The following TPM4 variants were observed in gnomAD, a reference collection of about 807,000 sequenced individuals.
TPM4 encodes tropomyosin alpha-4 chain.
TPM4 carries 17 observed loss-of-function variants against 35.8 expected under a neutral mutation model. That is an observed-to-expected ratio of 0.47 (90% CI 0.32 to 0.71). TPM4 has a LOEUF of 0.71. Ranked by LOEUF, TPM4 falls within the 30% of genes least tolerant of loss-of-function variation. TPM4 has a pLI of 0.03. For synonymous variants in TPM4, 120 were observed against 122.9 expected (o/e 0.98, Z 0.15); for missense variants, 240 against 320.9 (o/e 0.75, Z 1.93).
chr19:16,076,825 G>T (rs2090413691), intron 1 of TPM4, 128 bp downstream of exon 1: 1 of 1,261,974 alleles, frequency 7.9e-7, no homozygotes, highest in East Asian at 3.3e-5. Context: ...CTCGGACGCC[G>T]ATCGCCGACC....
At chr19:16,090,282 C>G (rs982039204) in intron 5 of TPM4, among the ~76,000 whole-genome samples, 1 of 148,392 alleles carries the variant, frequency 6.7e-6, no homozygotes, top group African/African-American at 2.5e-5. Context: ...TACTCCAAAA[C>G]TGTATTTTTT....
Position 16,067,590 on chromosome 19 carries a change from C to A in TPM4, c.-35C>A. Reference sequence around the variant, plus strand: ...CTGCCGCAGCCCCCACAGAGCCCGCCGCGCACCCCACGTCCCCCACGCCAG... The same window carrying A: ...CTGCCGCAGCCCCCACAGAGCCCGCAGCGCACCCCACGTCCCCCACGCCAG... On this transcript the variant is annotated 5_prime_UTR_variant, in exon 2 of 3. Coordinates refer to the TPM4 transcript ENST00000589897. This position sits in a 1 kb window ranked among gnomAD's most constrained non-coding sequence, Gnocchi z 4.1. The A allele has an allele frequency of 1.9e-6, 3 of 1,593,468 alleles. No homozygotes were observed. Among genetic ancestry groups the A allele is most frequent in the Non-Finnish European group, 2.6e-6 (3 of 1,166,276 alleles).
chr19:16,076,121 C>T (rs1343338872), upstream of TPM4: 1 of 1,590,578 alleles, frequency 6.3e-7, no homozygotes, highest in Admixed American at 1.8e-5. Context: ...ATTCCGAGGA[C>T]CTGAAGGACG....
chr19:16,085,202 A>G (rs746169075), intron 2 of TPM4, among the ~76,000 whole-genome samples: 8 of 152,122 alleles, frequency 5.3e-5, no homozygotes, highest in Non-Finnish European at 1.0e-4. Flanking sequence ...GCAGTGAGCT[A>G]TGATTACACC....
At chr19:16,098,865 A>C (rs2090732388) in intron 7 of TPM4, among the ~76,000 whole-genome samples, 1 of 152,210 alleles carries the variant, frequency 6.6e-6, no homozygotes, top group African/African-American at 2.4e-5. Flanking sequence ...TAGCTCTACT[A>C]CTTTAACCAT....
intron 2 of TPM4, among the ~76,000 whole-genome samples, chr19:16,084,940 T>C (rs954196526): frequency 1.7e-4 from 26 of 152,158 alleles, no homozygotes; most frequent in African/African-American, 5.6e-4. Flanking sequence ...CCTCTTCTTT[T>C]CTTTTCTTTT....
intron 3 of TPM4, among the ~76,000 whole-genome samples, 198 bp from the exon 4 acceptor site, chr19:16,087,829 C>A (rs542612060): frequency 6.6e-6 from 1 of 152,042 alleles, no homozygotes; most frequent in Non-Finnish European, 1.5e-5. Flanking sequence ...TGCAGTGAGC[C>A]GAGACTGTGC....
At chr19:16,083,189 A>C (rs987503658) in intron 2 of TPM4, among the ~76,000 whole-genome samples, 4 of 152,026 alleles carry the variant, frequency 2.6e-5, no homozygotes, top group Non-Finnish European at 5.9e-5. Context: ...CACGCCTATA[A>C]TCCCAGCACT....
intron 7 of TPM4, among the ~76,000 whole-genome samples, chr19:16,093,996 T>C (rs1394873118): frequency 7.1e-6 from 1 of 140,996 alleles, no homozygotes; most frequent in East Asian, 2.3e-4. Flanking sequence ...AGTCTGGCTC[T>C]GTCTCCCAGG....
rs1229069660 is a variant in TPM4 at position 16,076,571 on chromosome 19, C to G, written c.6C>G (p.Ala2=). ...CGCCTCTGCGCCTCCGCGCCATGGC[C>G]GGCCTCAACTCCCTGGAGGCGGTGA... M[A]GLNSLEAVKR... Residue 2 remains alanine, a synonymous_variant, in exon 1 of 8, where the codon GCC becomes GCG. Transcript: ENST00000643579. 1.4e-6 allele frequency: 2 copies of G among 1,462,074 alleles called. No individual in the cohort carries two copies. The highest frequency in any genetic ancestry group is 2.5e-5 in the Admixed American group (1 of 40,068). The allele number at this position is 1,462,074 out of a possible 1,614,324, so 90.6% of individuals were successfully genotyped here. A position where few individuals can be genotyped will look rare whatever the true frequency, so the allele number is the denominator to read the frequency against.
intron 7 of TPM4, among the ~76,000 whole-genome samples, chr19:16,094,648 A>C (rs1170563947): frequency 6.6e-6 from 1 of 151,926 alleles, no homozygotes; most frequent in Non-Finnish European, 1.5e-5. Context: ...AGGGAGCTCA[A>C]AGCTTATCAT....
chr19:16,087,648 C>T (rs2090573428), intron 3 of TPM4, among the ~76,000 whole-genome samples: 1 of 151,668 alleles, frequency 6.6e-6, no homozygotes, highest in South Asian at 2.1e-4. Context: ...TCTGGGAGGC[C>T]GAGGTAGGTG....
intron 1 of TPM4, among the ~76,000 whole-genome samples, chr19:16,078,965 T>A (rs2090447831): frequency 6.6e-6 from 1 of 152,182 alleles, no homozygotes; most frequent in African/African-American, 2.4e-5. Flanking sequence ...TTCCTGTTCC[T>A]TTGCCACATG....
chr19:16,072,721 G>C (rs1436499983), upstream of TPM4, among the ~76,000 whole-genome samples: 1 of 152,116 alleles, frequency 6.6e-6, no homozygotes, highest in African/African-American at 2.4e-5. Context: ...TTCGAGACCA[G>C]CCTGGCAAAA....
chr19:16,088,571 C>T (rs2090587965), intron 4 of TPM4: 1 of 1,036,870 alleles, frequency 9.6e-7, no homozygotes, highest in South Asian at 3.5e-5. Flanking sequence ...CACCTGTCCT[C>T]TTGGCCCCGG....
At chr19:16,088,773 G>A in intron 4 of TPM4, 3 of 1,210,544 alleles carry the variant, frequency 2.5e-6, no homozygotes, top group Non-Finnish European at 2.1e-6. Flanking sequence ...AGTCCTTGCA[G>A]CCTTACCCTT....
At chr19:16,087,907 A>G in intron 3 of TPM4, 120 bp from the exon 4 acceptor site, 1 of 1,056,848 alleles carries the variant, frequency 9.5e-7, no homozygotes, top group South Asian at 1.4e-5. Flanking sequence ...ACACCAGAAA[A>G]ACCCATGTTG....
At chr19:16,076,320 GGCACTTTCCA>G (rs2090404598), upstream of TPM4, 1 of 1,503,126 alleles carries the variant, frequency 6.7e-7, no homozygotes. Flanking sequence ...CCCGAAAAGG[GGCACTTTCCA>G]GCAGCTGTGG....
intron 2 of TPM4, chr19:16,068,105 A>G (rs886444852): frequency 2.1e-5 from 7 of 340,032 alleles, no homozygotes; most frequent in South Asian, 1.8e-4. Flanking sequence ...GTTTGAGCGT[A>G]TGTGTGTGTA....
Sources: gnomAD v4.1 joint callset for allele counts (sites outside exome capture counted in the v4.1 genomes callset) on GRCh38, gnomAD v4.1.1 for gene constraint, Gnocchi (gnomAD v3.1) non-coding constraint, MANE v1.5 for transcripts, NCBI Gene and HGNC (gene_info 2026-07-23, HGNC 2026-07-21) for gene names.